The following SOX5 variants were observed in gnomAD, a reference collection of about 807,000 sequenced individuals.
The protein encoded by SOX5 is SRY-box transcription factor 5.
A neutral mutation model predicts 92.0 loss-of-function variants in SOX5; 9 were observed. That is an observed-to-expected ratio of 0.10 (90% CI 0.06 to 0.17). The LOEUF (loss-of-function observed/expected upper bound fraction) is 0.17, where lower values mean the gene tolerates loss of function less well. SOX5 is among the 10% of genes least tolerant of loss of function. The probability of loss-of-function intolerance (pLI) is 1.00; values close to 1 mark genes in which losing one functional copy is unlikely to be tolerated. For synonymous variants in SOX5, 344 were observed against 336.3 expected, an observed-to-expected ratio of 1.02 and a Z score of -0.25; for missense variants, 642 against 944.5, an observed-to-expected ratio of 0.68 and a Z score of 4.20.
At chr12:23,949,766 G>GTCTCTCTC (rs143438082), upstream of SOX5, 311 of 472,738 alleles carry the variant, frequency 6.6e-4, 1 homozygote, top group Middle Eastern at 9.7e-4. Context: ...CTCTCTCTCT[G>GTCTCTCTC]TCTCTCTCTC....
At chr12:23,895,208 CAAA>C (rs33970684) in intron 2 of SOX5, among the ~76,000 whole-genome samples, 2 of 91,314 alleles carry the variant, frequency 2.2e-5, no homozygotes, top group Non-Finnish European at 2.1e-5. Flanking sequence ...GAATAGGATG[CAAA>C]AAAAAAAAAA....
At chr12:24,177,504 G>A (rs2139225134) in intron 4 of SOX5, among the ~76,000 whole-genome samples, 1 of 152,176 alleles carries the variant, frequency 6.6e-6, no homozygotes, top group South Asian at 2.1e-4. Context: ...TAGATCTCAA[G>A]GTTTCTATCT....
intron 1 of SOX5, among the ~76,000 whole-genome samples, chr12:24,436,128 A>G (rs949722220): frequency 4.6e-5 from 7 of 152,276 alleles, no homozygotes; most frequent in African/African-American, 1.7e-4. Context: ...AAGTTAGGCC[A>G]GTTCATAACC....
chr12:24,525,855 A>G (rs1950659843), intron 1 of SOX5, among the ~76,000 whole-genome samples: 1 of 137,606 alleles, frequency 7.3e-6, no homozygotes, highest in African/African-American at 3.0e-5. Flanking sequence ...ACTCCATCTC[A>G]AAAAAAAAAA....
chr12:24,023,561 A>T (rs7973352), intron 4 of SOX5, among the ~76,000 whole-genome samples: 1 of 151,768 alleles, frequency 6.6e-6, no homozygotes, highest in Admixed American at 6.6e-5. Flanking sequence ...ACTCAACAAA[A>T]TAAGTGACCA....
intron 5 of SOX5, among the ~76,000 whole-genome samples, chr12:23,737,314 G>A (rs921730015): frequency 3.3e-5 from 5 of 151,998 alleles, no homozygotes; most frequent in African/African-American, 9.7e-5. Context: ...ACTGAGGTGG[G>A]CAGATCGCAA....
intron 1 of SOX5, among the ~76,000 whole-genome samples, chr12:24,422,443 G>C (rs1161609479): frequency 6.6e-6 from 1 of 152,270 alleles, no homozygotes; most frequent in African/African-American, 2.4e-5. Flanking sequence ...CCCAGCCTGG[G>C]AGATCATGGA....
chr12:23,555,247 G>T (rs1944953276), intron 11 of SOX5, among the ~76,000 whole-genome samples: 1 of 151,954 alleles, frequency 6.6e-6, no homozygotes, highest in Admixed American at 6.6e-5. Context: ...TATCTTTTCA[G>T]AAGTACTATT....
At chr12:24,274,447 T>C (rs1944175747) in intron 3 of SOX5, among the ~76,000 whole-genome samples, 3 of 152,190 alleles carry the variant, frequency 2.0e-5, no homozygotes, top group African/African-American at 2.4e-5. Context: ...AGTGTCCACA[T>C]AGTATCCATT....
chr12:24,433,749 G>A (rs995859157), intron 1 of SOX5, among the ~76,000 whole-genome samples: 1 of 152,136 alleles, frequency 6.6e-6, no homozygotes, highest in Non-Finnish European at 1.5e-5. Flanking sequence ...GATAGAGAAA[G>A]ATCTCAAGGG....
chr12:24,328,407 A>C (rs1047909874), intron 2 of SOX5, among the ~76,000 whole-genome samples: 2 of 152,208 alleles, frequency 1.3e-5, no homozygotes, highest in Non-Finnish European at 2.9e-5. Context: ...TTTCCTACTG[A>C]AATCCCTGCC....
chr12:24,434,223 G>T (rs1331132265), intron 1 of SOX5, among the ~76,000 whole-genome samples: 2 of 152,050 alleles, frequency 1.3e-5, no homozygotes, highest in Non-Finnish European at 2.9e-5. Flanking sequence ...AATGGGGAGG[G>T]GAAGGAAAGA....
At chr12:24,414,778 GAA>G (rs1964724030) in intron 1 of SOX5, among the ~76,000 whole-genome samples, 1 of 152,196 alleles carries the variant, frequency 6.6e-6, no homozygotes, top group Admixed American at 6.5e-5. Context: ...TTGTTTTTAG[GAA>G]AAGAGAGGAA....
At chr12:24,347,103 T>C (rs1953387223) in intron 2 of SOX5, among the ~76,000 whole-genome samples, 1 of 152,208 alleles carries the variant, frequency 6.6e-6, no homozygotes, top group Non-Finnish European at 1.5e-5. Flanking sequence ...TCTGCATTCA[T>C]GGATTCAGCA....
Position 23,584,277 on chromosome 12 carries a change from C to G in SOX5, c.1165-8439G>C, listed in dbSNP as rs368187009. Among the ~76,000 whole-genome samples the G allele has an allele frequency of 9.0e-4, 137 of 152,208 alleles. No homozygotes were observed. In the Middle Eastern group the frequency reaches 0.01, roughly 11 times the overall value. On this transcript the variant is annotated intron_variant, in intron 9 of 14. Coordinates refer to ENST00000451604, the MANE Select transcript of SOX5 (RefSeq NM_006940.6). ...CACTGATGAAAATATTAATGAAACA[C>G]TGATGAACCTGAAACAAAACAAAAT...
At chr12:24,123,479 T>C (rs1019767820) in intron 4 of SOX5, among the ~76,000 whole-genome samples, 1 of 152,192 alleles carries the variant, frequency 6.6e-6, no homozygotes, top group Non-Finnish European at 1.5e-5. Context: ...CTTCCTCTTG[T>C]GCCTTCCCCA....
At chr12:24,290,320 C>T (rs1433120315) in intron 2 of SOX5, among the ~76,000 whole-genome samples, 1 of 152,176 alleles carries the variant, frequency 6.6e-6, no homozygotes, top group African/African-American at 2.4e-5. Flanking sequence ...CCTTAAAAAT[C>T]ATACAATGTT....
At chr12:24,484,855 A>G (rs1946357261) in intron 1 of SOX5, among the ~76,000 whole-genome samples, 1 of 152,178 alleles carries the variant, frequency 6.6e-6, no homozygotes, top group South Asian at 2.1e-4. Flanking sequence ...TTAAATCTGG[A>G]GGTAGAAATA....
In SOX5 at chr12:23,665,474, G is replaced by A. The variant is rs1294729078; in HGVS notation, c.901C>T (p.Pro301Ser). The A allele has an allele frequency of 1.9e-6, 3 of 1,613,446 alleles. No homozygotes were observed. Among genetic ancestry groups the A allele is most frequent in the Non-Finnish European group, 2.5e-6 (3 of 1,179,632 alleles). Reference sequence around the variant, plus strand: ...CCAGCCTTATAGCTGAAGCCTGGAGGGAGGAGGAATCCTTGCTGGGCAGCT... The same window carrying A: ...CCAGCCTTATAGCTGAAGCCTGGAGAGAGGAGGAATCCTTGCTGGGCAGCT... The part of the protein sequence containing the change: ...AAAAQQGFLL[P>S]PGFSYKAGCS... The change falls in exon 7 of 15, where the codon CCT becomes TCT. Residue 301 changes from proline to serine, a missense_variant. Around this residue, in one of 8 missense-constraint regions of SOX5, gnomAD observed 324 missense variants for 461.6 expected, o/e 0.70. Coordinates refer to ENST00000451604, the MANE Select transcript of SOX5 (RefSeq NM_006940.6).
Sources: gnomAD v4.1 joint callset for allele counts (sites outside exome capture counted in the v4.1 genomes callset) on GRCh38, gnomAD v4.1.1 for gene constraint, gnomAD v4.1.1 regional missense constraint, MANE v1.5 for transcripts, NCBI Gene and HGNC (gene_info 2026-07-23, HGNC 2026-07-21) for gene names.